Variants in CCDC3 observed in about 807,000 individuals in gnomAD.
The protein encoded by CCDC3 is coiled-coil domain-containing protein 3.
CCDC3 carries 24 observed loss-of-function variants against 21.4 expected under a neutral mutation model. That is an observed-to-expected ratio of 1.12 (90% CI 0.81 to 1.58). The LOEUF (loss-of-function observed/expected upper bound fraction) is 1.58. Among genes scored for constraint, CCDC3 ranks in the 40% most tolerant of loss-of-function variants. The pLI is 0.00. For missense variants in CCDC3, 425 were observed against 360.9 expected, an observed-to-expected ratio of 1.18 and a Z score of -1.44; for synonymous variants, 186 against 166.0, an observed-to-expected ratio of 1.12 and a Z score of -0.93.
At chr10:12,925,221 G>C (rs1834516890) in intron 2 of CCDC3, among the ~76,000 whole-genome samples, 1 of 152,178 alleles carries the variant, frequency 6.6e-6, no homozygotes, top group Admixed American at 6.5e-5. Context: ...AGTGGGGTCT[G>C]GAGAGAGGAA....
chr10:12,951,409 A>ATCT (rs1835006276), intron 2 of CCDC3, among the ~76,000 whole-genome samples: 1 of 152,266 alleles, frequency 6.6e-6, no homozygotes, highest in South Asian at 2.1e-4. Flanking sequence ...ATGGCTCCTA[A>ATCT]TCTACAGGGC....
chr10:12,926,327 C>G (rs1277512726), intron 2 of CCDC3, among the ~76,000 whole-genome samples: 1 of 152,142 alleles, frequency 6.6e-6, no homozygotes, highest in African/African-American at 2.4e-5. Context: ...TCATATAGGC[C>G]AAGAACTGGT....
chr10:12,958,750 C>G (rs1034030935), intron 2 of CCDC3, among the ~76,000 whole-genome samples: 5 of 152,208 alleles, frequency 3.3e-5, no homozygotes, highest in African/African-American at 4.8e-5. Flanking sequence ...CTGCCCCAAG[C>G]TGACATCAGC....
chr10:12,900,497 T>G (rs1588996027), intron 2 of CCDC3, among the ~76,000 whole-genome samples: 2 of 101,870 alleles, frequency 2.0e-5, no homozygotes, highest in Non-Finnish European at 3.7e-5. Context: ...GCTAACAGGG[T>G]GAAACCCCAT....
intron 2 of CCDC3, among the ~76,000 whole-genome samples, chr10:12,962,253 C>A (rs914650723): frequency 6.6e-6 from 1 of 152,132 alleles, no homozygotes; most frequent in Non-Finnish European, 1.5e-5. Context: ...GATCAGTAAG[C>A]CCCCAAATCT....
chr10:12,937,142 G>A (rs74118924), intron 2 of CCDC3, among the ~76,000 whole-genome samples: 109 of 150,928 alleles, frequency 7.2e-4, no homozygotes, highest in African/African-American at 2.5e-3. Flanking sequence ...CATTCACTCT[G>A]AGCATCCCAC....
intron 2 of CCDC3, among the ~76,000 whole-genome samples, chr10:12,994,454 A>G (rs116628107): frequency 1.8e-3 from 275 of 152,022 alleles, no homozygotes; most frequent in African/African-American, 6.3e-3. Flanking sequence ...CAGCACCTAG[A>G]AAGTCCAGGA....
At chr10:13,002,820 G>C (rs1053176456), upstream of CCDC3, among the ~76,000 whole-genome samples, 2 of 152,202 alleles carry the variant, frequency 1.3e-5, no homozygotes, top group African/African-American at 4.8e-5. Context: ...TAAAGTGCTA[G>C]GGTTGGTTAC....
intron 2 of CCDC3, among the ~76,000 whole-genome samples, chr10:12,925,767 A>G (rs1834527570): frequency 6.6e-6 from 1 of 152,196 alleles, no homozygotes; most frequent in Admixed American, 6.5e-5. Flanking sequence ...TTCTCACATT[A>G]CATTTTCCCC....
chr10:13,084,978 A>G (rs113571288), intron 3 of CCDC3, among the ~76,000 whole-genome samples: 1 of 152,168 alleles, frequency 6.6e-6, no homozygotes, highest in Non-Finnish European at 1.5e-5. Flanking sequence ...AAAAGTTTTA[A>G]ATCTCTCATC....
intron 4 of CCDC3, among the ~76,000 whole-genome samples, chr10:13,069,848 T>A (rs1836862875): frequency 6.6e-6 from 1 of 152,222 alleles, no homozygotes; most frequent in African/African-American, 2.4e-5. Context: ...TTGTCAATCA[T>A]GTTTCTGACT....
intron 5 of CCDC3, among the ~76,000 whole-genome samples, chr10:13,014,181 C>T (rs1414170473): frequency 6.7e-6 from 1 of 149,210 alleles, no homozygotes; most frequent in Non-Finnish European, 1.5e-5. Context: ...AAGCCGGGCG[C>T]AGTGGCTCAT....
intron 2 of CCDC3, among the ~76,000 whole-genome samples, chr10:12,995,400 C>T (rs895211377): frequency 2.8e-4 from 42 of 152,140 alleles, no homozygotes; most frequent in African/African-American, 9.7e-4. Flanking sequence ...TACCACCATC[C>T]TCAGCTAATT....
At chr10:12,921,220 G>T (rs1486246778) in intron 2 of CCDC3, among the ~76,000 whole-genome samples, 1 of 152,192 alleles carries the variant, frequency 6.6e-6, no homozygotes, top group African/African-American at 2.4e-5. Flanking sequence ...GGCAATTGAG[G>T]AAGGATGTCA....
chr10:13,055,462 T>C (rs1836669364), intron 4 of CCDC3, among the ~76,000 whole-genome samples: 1 of 151,656 alleles, frequency 6.6e-6, no homozygotes, highest in African/African-American at 2.4e-5. Flanking sequence ...CCTGAGTAGC[T>C]GGGACTACAG....
At chr10:12,916,457 G>A (rs1834358952) in intron 2 of CCDC3, among the ~76,000 whole-genome samples, 1 of 150,254 alleles carries the variant, frequency 6.7e-6, no homozygotes, top group Admixed American at 6.6e-5. Flanking sequence ...TTGACAGCCT[G>A]GGGCCACGGG....
In CCDC3 at chr10:12,995,629, G is replaced by A. The variant is rs188463912; in HGVS notation, c.549+2709C>T. 8.7e-4 allele frequency among the ~76,000 whole-genome samples: 133 copies of A among 152,306 alleles called. 1 individual carries two copies. Among genetic ancestry groups the A allele is most frequent in the Middle Eastern group, 6.8e-3 (2 of 294 alleles). On this transcript the variant is annotated intron_variant, in intron 2 of 2. Transcript: ENST00000378825. ...ACGGCACAAGCAGAGGTCTGGAAAC[G>A]TGCAGAGTCCCTCAGATTGAACTAA...
In CCDC3 at chr10:12,904,468, TA is replaced by T. The variant is rs55772750; in HGVS notation, c.550-5790del. On this transcript the variant is annotated intron_variant, in intron 2 of 2. Transcript: ENST00000378825. Reference sequence around the variant, plus strand: ...TAAGTTACAGAGCAAAAGCCAGTCTTAAAAAAAAAAAAAAAAAAAAAAAGAC... The same window carrying T: ...TAAGTTACAGAGCAAAAGCCAGTCTTAAAAAAAAAAAAAAAAAAAAAAGAC... Among the ~76,000 whole-genome samples the T allele has an allele frequency of 8.6e-4, 35 of 40,918 alleles. 1 individual carries two copies. Among genetic ancestry groups the T allele is most frequent in the East Asian group, 6.2e-3 (7 of 1,128 alleles). The allele number at this position is 40,918 out of a possible 152,430, so 26.8% of individuals were successfully genotyped here. A position where few individuals can be genotyped will look rare whatever the true frequency, so the allele number is the denominator to read the frequency against.
chr10:13,048,919 T>A (rs17152755), intron 5 of CCDC3, among the ~76,000 whole-genome samples: 5,530 of 152,286 alleles, frequency 0.036, 115 homozygotes, highest in Middle Eastern at 0.048. Flanking sequence ...ATCTGGCTTA[T>A]ATTTTCCATT....
Sources: allele counts gnomAD v4.1 joint callset (sites outside exome capture counted in the v4.1 genomes callset), GRCh38; gene constraint gnomAD v4.1.1; transcripts MANE v1.5; gene names NCBI Gene and HGNC (gene_info 2026-07-23, HGNC 2026-07-21).